SORBS2: variants seen among roughly 807,000 people sequenced by gnomAD.
SORBS2 encodes sorbin and SH3 domain-containing protein 2.
In SORBS2, 46 loss-of-function variants were observed where a neutral mutation model predicts 97.7. The observed-to-expected ratio is 0.47, with a 90% CI of 0.37 to 0.60. The LOEUF (loss-of-function observed/expected upper bound fraction) is 0.60. SORBS2 is among the 20% of genes least tolerant of loss of function. The pLI, the probability that SORBS2 is intolerant of heterozygous loss-of-function variation, is 0.00. For missense variants in SORBS2, 1,316 were observed against 1,282.3 expected (o/e 1.03, Z -0.40); for synonymous variants, 476 against 473.4 (o/e 1.01, Z -0.07).
chr4:185,633,328 A>G (rs2096937822), intron 4 of SORBS2, among the ~76,000 whole-genome samples: 1 of 152,174 alleles, frequency 6.6e-6, no homozygotes, highest in Non-Finnish European at 1.5e-5. Flanking sequence ...TTAAGAGAAT[A>G]TATTTTCTTA....
In SORBS2 at chr4:185,779,630, C is replaced by T. The variant is rs529355424; in HGVS notation, c.-337-4264G>A. Among the ~76,000 whole-genome samples the T allele has an allele frequency of 8.5e-5, 13 of 152,250 alleles. No individual in the cohort carries two copies. In the South Asian group the frequency reaches 2.5e-3, roughly 29 times the overall value. On this transcript the variant is annotated intron_variant, in intron 1 of 20. Coordinates refer to the SORBS2 transcript ENST00000284776. ...CGCTTCCTATTATTTGAGAGGATCC[C>T]AGTAGGAAGGAAGTAAATGTAGTTT... is the stretch of plus-strand genomic sequence containing the variant.
chr4:185,638,964 G>A (rs1463566073), intron 4 of SORBS2: 2 of 1,524,010 alleles, frequency 1.3e-6, no homozygotes, highest in African/African-American at 1.4e-5. Context: ...TGACTTCTCC[G>A]AGTCGGGAGC....
chr4:185,681,037 A>C (rs1357713588), intron 2 of SORBS2, among the ~76,000 whole-genome samples: 4 of 152,196 alleles, frequency 2.6e-5, no homozygotes, highest in Non-Finnish European at 4.4e-5. Context: ...TGCATCGCAC[A>C]GTGGACACGA....
intron 2 of SORBS2, among the ~76,000 whole-genome samples, chr4:185,692,311 G>A (rs188354184): frequency 2.0e-3 from 302 of 152,258 alleles, no homozygotes; most frequent in Non-Finnish European, 3.5e-3. Context: ...TGCAACATCC[G>A]AACATTTTCA....
chr4:185,719,218 T>A (rs1478469291), intron 2 of SORBS2, among the ~76,000 whole-genome samples: 2 of 151,962 alleles, frequency 1.3e-5, no homozygotes, highest in African/African-American at 2.4e-5. Context: ...AAAAATTTAG[T>A]TTTTCTGGCT....
At chr4:185,785,596 C>A (rs1191417092) in intron 1 of SORBS2, among the ~76,000 whole-genome samples, 1 of 152,206 alleles carries the variant, frequency 6.6e-6, no homozygotes, top group Admixed American at 6.5e-5. Flanking sequence ...GCTTCTGTGG[C>A]TGCTACAATC....
intron 2 of SORBS2, among the ~76,000 whole-genome samples, chr4:185,698,021 G>C (rs1381246948): frequency 1.3e-5 from 2 of 152,094 alleles, no homozygotes; most frequent in Non-Finnish European, 2.9e-5. Context: ...AGCATCAAAG[G>C]CTCTGGTAGG....
intron 2 of SORBS2, among the ~76,000 whole-genome samples, chr4:185,651,229 C>T (rs2097308897): frequency 6.6e-6 from 1 of 152,166 alleles, no homozygotes; most frequent in Admixed American, 6.5e-5. Flanking sequence ...GCACGAGATA[C>T]CAAGGCTCGC....
At chr4:185,857,106 C>G (rs1181195261) in intron 1 of SORBS2, among the ~76,000 whole-genome samples, 1 of 152,160 alleles carries the variant, frequency 6.6e-6, no homozygotes, top group Non-Finnish European at 1.5e-5. Context: ...TAGTATGGGG[C>G]TCCCATGATG....
intron 2 of SORBS2, among the ~76,000 whole-genome samples, chr4:185,685,798 C>T (rs1396900339): frequency 6.6e-6 from 1 of 152,212 alleles, no homozygotes; most frequent in Non-Finnish European, 1.5e-5. Flanking sequence ...AAGCATGAGC[C>T]ACCGCACCTG....
intron 1 of SORBS2, 175 bp from the exon 1 acceptor site, chr4:185,812,369 C>T (rs1020563968): frequency 6.6e-6 from 1 of 152,146 alleles, no homozygotes; most frequent in South Asian, 2.1e-4. Context: ...TCATCAAACT[C>T]ATCATTTTTT....
chr4:185,925,103 G>T (rs929425305), intron 1 of SORBS2, among the ~76,000 whole-genome samples: 1 of 152,168 alleles, frequency 6.6e-6, no homozygotes, highest in African/African-American at 2.4e-5. Flanking sequence ...AAAACAGCTT[G>T]CCATGATATA....
chr4:185,897,807 C>T (rs561033772), intron 1 of SORBS2, among the ~76,000 whole-genome samples: 4 of 152,200 alleles, frequency 2.6e-5, no homozygotes, highest in African/African-American at 9.6e-5. Flanking sequence ...GAGGCCGAGG[C>T]AGGCAGATTA....
upstream of SORBS2, among the ~76,000 whole-genome samples, chr4:185,658,466 T>C (rs2153470763): frequency 6.6e-6 from 1 of 152,258 alleles, no homozygotes; most frequent in Admixed American, 6.5e-5. Context: ...AATATGCCTT[T>C]ATATTTTTCT....
At chr4:185,645,793 G>A (rs2097197641) in intron 4 of SORBS2, 1 of 152,206 alleles carries the variant, frequency 6.6e-6, no homozygotes, top group Admixed American at 6.5e-5. Flanking sequence ...CTTGGAAGGA[G>A]ATGCAGAGGA....
intron 13 of SORBS2, among the ~76,000 whole-genome samples, chr4:185,592,409 A>G (rs912764496): frequency 2.6e-5 from 4 of 152,254 alleles, no homozygotes; most frequent in Non-Finnish European, 4.4e-5. Context: ...GCTGTTTAAT[A>G]TAACATGTTG....
intron 4 of SORBS2, chr4:185,677,593 T>C: frequency 6.5e-7 from 1 of 1,535,600 alleles, no homozygotes; most frequent in Non-Finnish European, 8.8e-7. Flanking sequence ...TGACTGGTTA[T>C]CAAAGAGCTA....
chr4:185,766,366 G>C (rs545880743), intron 2 of SORBS2, among the ~76,000 whole-genome samples: 2 of 152,088 alleles, frequency 1.3e-5, no homozygotes, highest in Non-Finnish European at 2.9e-5. Context: ...ATTGGGTTTC[G>C]GATAGTCTCC....
intron 4 of SORBS2, among the ~76,000 whole-genome samples, chr4:185,632,887 C>T (rs770796773): frequency 6.6e-6 from 1 of 152,026 alleles, no homozygotes; most frequent in Non-Finnish European, 1.5e-5. Flanking sequence ...AGAGAAAGTT[C>T]AGTATTAAAT....
Sources: gnomAD v4.1 joint callset for allele counts (sites outside exome capture counted in the v4.1 genomes callset) on GRCh38, gnomAD v4.1.1 for gene constraint, MANE v1.5 for transcripts, NCBI Gene and HGNC (gene_info 2026-07-23, HGNC 2026-07-21) for gene names.